The following COLEC12 variants were observed in gnomAD, a reference collection of about 807,000 sequenced individuals.
COLEC12 encodes the protein collectin subfamily member 12.
Under a neutral mutation model 71.1 loss-of-function variants are expected in COLEC12, and 33 were observed. That is an observed-to-expected ratio of 0.46 (90% CI 0.35 to 0.62). The LOEUF (loss-of-function observed/expected upper bound fraction) is 0.62, where lower values mean the gene tolerates loss of function less well. COLEC12 is among the 20% of genes least tolerant of loss of function. COLEC12 has a pLI of 0.00. For synonymous variants in COLEC12, 350 were observed against 353.0 expected (o/e 0.99, Z 0.10); for missense variants, 765 against 916.1 (o/e 0.84, Z 2.13).
chr18:331,697 C>T lies in COLEC12; in HGVS notation c.2034G>A (p.Lys678=), dbSNP rs1468194259. The change falls in exon 8 of 10, where the codon AAG becomes AAA. Residue 678 remains lysine (K), a synonymous_variant. Coordinates refer to ENST00000400256, the MANE Select transcript of COLEC12 (RefSeq NM_130386.3). ...LTDSERENEW[K]WLDGTSPDYK... is the part of the protein sequence containing the mutation. ...AGTCTGGAGATGTCCCATCCAGCCA[C>T]TTCCATTCATTTTCACGCTCTGAGT... 3.1e-6 allele frequency: 5 copies of T among 1,613,104 alleles called. No homozygotes were observed. The highest frequency in any genetic ancestry group is 1.7e-4 in the Middle Eastern group (1 of 6,058).
At chr18:385,081 T>A (rs905026206) in intron 2 of COLEC12, among the ~76,000 whole-genome samples, 2 of 152,214 alleles carry the variant, frequency 1.3e-5, no homozygotes, top group African/African-American at 4.8e-5. Context: ...TTGTCCAAGT[T>A]AATTATCCCT....
At position 500,669 on chromosome 18, in the gene COLEC12, G is replaced by T; in HGVS notation, c.-155C>A. 1 of 345,646 alleles carries T rather than the reference G, an allele frequency of 2.9e-6. No homozygotes were observed. The highest frequency in any genetic ancestry group is 4.3e-6 in the Non-Finnish European group (1 of 231,682). The allele number at this position is 345,646 out of a possible 1,614,324, so 21.4% of individuals were successfully genotyped here. On this transcript the variant is annotated 5_prime_UTR_variant, in exon 1 of 10. Coordinates refer to ENST00000400256, the MANE Select transcript of COLEC12 (RefSeq NM_130386.3). This position sits in a 1 kb window ranked among gnomAD's most constrained non-coding sequence, Gnocchi z 5.3. Reference sequence around the variant, plus strand: ...CGTCCTCCCTCGCCGCCGCCGGCCCGCGCTCCCCGCGCTCCCGGCTCCGCG... The same window carrying T: ...CGTCCTCCCTCGCCGCCGCCGGCCCTCGCTCCCCGCGCTCCCGGCTCCGCG...
intron 1 of COLEC12, among the ~76,000 whole-genome samples, chr18:498,896 G>A (rs1917764827): frequency 6.6e-6 from 1 of 152,190 alleles, no homozygotes. Context: ...GTGGAAAAGT[G>A]TCTCAAGTGC....
chr18:419,162 T>C lies in COLEC12; in HGVS notation c.58+61545A>G, dbSNP rs1465686033. Among the ~76,000 whole-genome samples, 38 of 94,166 alleles carry C rather than the reference T, an allele frequency of 4.0e-4. No homozygotes were observed. The Admixed American group carries it at 4.4e-3, about 11-fold the overall frequency. 61.8% of individuals were successfully genotyped at this position (94,166 alleles called of 152,430 possible). A position where few individuals can be genotyped will look rare whatever the true frequency, so the allele number is the denominator to read the frequency against. The stretch of plus-strand genomic sequence containing the variant: ...AAGGCATCATACTTCTATTCTATTC[T>C]ATTCTATTCTATTCTATTCTATTCT... On this transcript the variant is annotated intron_variant, in intron 2 of 9. Coordinates refer to ENST00000400256, the MANE Select transcript of COLEC12 (RefSeq NM_130386.3).
chr18:455,903 T>C (rs866400348), intron 2 of COLEC12, among the ~76,000 whole-genome samples: 33 of 152,338 alleles, frequency 2.2e-4, no homozygotes, highest in Non-Finnish European at 1.8e-4. Context: ...ACATTTTCTT[T>C]GCCCATTCAT....
intron 2 of COLEC12, among the ~76,000 whole-genome samples, chr18:462,697 TG>T (rs1349311312): frequency 1.3e-5 from 2 of 152,322 alleles, no homozygotes; most frequent in African/African-American, 2.4e-5. Flanking sequence ...TCTATAAAGC[TG>T]TTATTAAAAA....
chr18:347,942 T>C (rs1914421825), intron 4 of COLEC12, 123 bp downstream of exon 4: 3 of 599,878 alleles, frequency 5.0e-6, no homozygotes, highest in Non-Finnish European at 8.8e-6. Flanking sequence ...AGACTCAACA[T>C]GCAACACAAA....
rs62090022 is a variant in COLEC12 at position 480,205 on chromosome 18, A to G, written c.58+502T>C. On this transcript the variant is annotated intron_variant, in intron 2 of 9. Transcript: ENST00000400256. This position sits in a 1 kb window ranked among gnomAD's most constrained non-coding sequence, Gnocchi z 4.1. ...CTTTGTGCCACATAAGGTAACATTC[A>G]GGTTTCAGGATTCAGGGTGCTGTCA... 0.19 allele frequency among the ~76,000 whole-genome samples: 29,208 copies of G among 152,086 alleles called. 3,100 individuals are homozygous for G. Among genetic ancestry groups the G allele is most frequent in the Middle Eastern group, 0.31 (92 of 294 alleles).
chr18:451,363 G>A (rs1916757182), intron 2 of COLEC12, among the ~76,000 whole-genome samples: 1 of 152,070 alleles, frequency 6.6e-6, no homozygotes. Flanking sequence ...GGAAAATTTG[G>A]GGTATCTGGT....
intron 2 of COLEC12, among the ~76,000 whole-genome samples, chr18:436,409 G>A (rs182176949): frequency 7.9e-4 from 120 of 151,274 alleles, no homozygotes; most frequent in Admixed American, 6.4e-3. Context: ...CAGATGGTCC[G>A]GAGGCTGAGG....
chr18:457,848 C>T (rs1270071790), intron 2 of COLEC12, among the ~76,000 whole-genome samples: 2 of 152,198 alleles, frequency 1.3e-5, no homozygotes, highest in Non-Finnish European at 2.9e-5. Flanking sequence ...GGATCCTTGA[C>T]TGTTTAGTGC....
chr18:353,134 G>A (rs983827912), intron 3 of COLEC12, among the ~76,000 whole-genome samples: 11 of 151,980 alleles, frequency 7.2e-5, no homozygotes, highest in Admixed American at 2.6e-4. Flanking sequence ...TTCTTCCCTC[G>A]TCTTGACTCC....
chr18:479,025 C>T (rs1191081501), intron 2 of COLEC12, among the ~76,000 whole-genome samples: 1 of 152,110 alleles, frequency 6.6e-6, no homozygotes, highest in Non-Finnish European at 1.5e-5. Flanking sequence ...GAGACTTTCT[C>T]TCTTGGTTCT....
chr18:365,659 A>C (rs1256432420), intron 2 of COLEC12, among the ~76,000 whole-genome samples: 1 of 152,164 alleles, frequency 6.6e-6, no homozygotes, highest in African/African-American at 2.4e-5. Flanking sequence ...GGCGATTAAA[A>C]AATTTATTTA....
chr18:361,760 A>G (rs1255228753), intron 2 of COLEC12, among the ~76,000 whole-genome samples: 2 of 152,216 alleles, frequency 1.3e-5, no homozygotes, highest in African/African-American at 4.8e-5. Context: ...GGCAACTGTG[A>G]AGCACAGAAG....
chr18:365,721 C>CA (rs1182479265), intron 2 of COLEC12, among the ~76,000 whole-genome samples: 2 of 152,106 alleles, frequency 1.3e-5, no homozygotes, highest in Non-Finnish European at 2.9e-5. Context: ...AATACACTGG[C>CA]AAAAAATATT....
At chr18:338,155 C>T (rs16942873) in intron 5 of COLEC12, among the ~76,000 whole-genome samples, 2,326 of 152,274 alleles carry the variant, frequency 0.015, 50 homozygotes, top group African/African-American at 0.046. Context: ...CGACAATTTC[C>T]TCTGCCCATG....
intron 2 of COLEC12, among the ~76,000 whole-genome samples, chr18:381,217 T>G (rs1915225289): frequency 6.6e-6 from 1 of 152,168 alleles, no homozygotes; most frequent in African/African-American, 2.4e-5. Context: ...TCAATTGTAT[T>G]GAGACATACT....
chr18:431,509 C>T (rs576920046), intron 2 of COLEC12, among the ~76,000 whole-genome samples: 22 of 152,176 alleles, frequency 1.4e-4, no homozygotes, highest in African/African-American at 4.8e-4. Context: ...CTATAGACTG[C>T]GGAGGTGGAA....
Sources: gnomAD v4.1 joint callset for allele counts (sites outside exome capture counted in the v4.1 genomes callset) on GRCh38, gnomAD v4.1.1 for gene constraint, Gnocchi (gnomAD v3.1) non-coding constraint, MANE v1.5 for transcripts, NCBI Gene and HGNC (gene_info 2026-07-23, HGNC 2026-07-21) for gene names.